The following RPS3A variants were observed in gnomAD, a reference collection of about 807,000 sequenced individuals.
RPS3A encodes the protein ribosomal protein S3A.
A neutral mutation model predicts 26.4 loss-of-function variants in RPS3A; 1 was observed. That is an observed-to-expected ratio of 0.04 (90% CI 0.01 to 0.18). The LOEUF (loss-of-function observed/expected upper bound fraction) is 0.18. Among genes scored for constraint, RPS3A ranks in the 10% least tolerant of loss-of-function variants. RPS3A has a pLI of 1.00. For missense variants in RPS3A, 139 were observed against 326.8 expected (o/e 0.43, Z 4.43); for synonymous variants, 97 against 106.1 (o/e 0.91, Z 0.53).
chr4:151,100,733 ATTTTT>A (rs1747082077), intron 2 of RPS3A, 145 bp downstream of exon 2: 5 of 647,476 alleles, frequency 7.7e-6, no homozygotes, highest in Non-Finnish European at 1.4e-5. Flanking sequence ...TGTGGTGATC[ATTTTT>A]AGTACAGCAC....
At chr4:151,103,878 A>G (rs1385054536) in intron 4 of RPS3A, 1 of 1,434,236 alleles carries the variant, frequency 7.0e-7, no homozygotes, top group Admixed American at 1.8e-5. Flanking sequence ...TGATAACAAC[A>G]TTTTTCTGAT....
chr4:151,101,181 T>C lies in RPS3A; in HGVS notation c.354+19T>C, dbSNP rs758607558. The C allele has an allele frequency of 6.4e-7, 1 of 1,568,712 alleles. No individual in the cohort carries two copies. The highest frequency in any genetic ancestry group is 8.7e-7 in the Non-Finnish European group (1 of 1,144,018). ...ATGGCAGGTGAGACCCAAAGTTCCT[T>C]AGAGTGGTTGTGCTATGGGTGTTTG... On this transcript the variant is annotated intron_variant, in intron 3 of 5. Coordinates refer to ENST00000274065, the MANE Select transcript of RPS3A (RefSeq NM_001006.5).
intron 4 of RPS3A, chr4:151,103,737 A>G: frequency 8.7e-7 from 1 of 1,149,992 alleles, no homozygotes; most frequent in South Asian, 1.6e-5. Context: ...CCCTGTCCCA[A>G]AAAATAAAAA....
Position 151,104,157 on chromosome 4 carries a change from T to G in RPS3A, c.564-20T>G, listed in dbSNP as rs1323827738. On this transcript the variant is annotated intron_variant, in intron 4 of 5. Coordinates refer to ENST00000274065, the MANE Select transcript of RPS3A (RefSeq NM_001006.5). ...AGAACTAGGACTTTTAGAAAAAAAT[T>G]TACTGTTACTGGTTTGCAGGATTCC... The G allele has an allele frequency of 2.5e-6, 4 of 1,588,506 alleles. No individual in the cohort carries two copies. In the Admixed American group the frequency reaches 5.8e-5, roughly 23 times the overall value.
At chr4:151,104,439 G>GTTTTTTTTGT (rs1747274715) in intron 5 of RPS3A, 33 bp from the exon 6 acceptor site, 3 of 711,712 alleles carry the variant, frequency 4.2e-6, no homozygotes, top group African/African-American at 2.9e-5. Flanking sequence ...CAGTTTTTTG[G>GTTTTTTTTGT]TTTTTTTTTT....
intron 4 of RPS3A, chr4:151,103,526 T>A: frequency 9.7e-7 from 1 of 1,030,810 alleles, no homozygotes; most frequent in Non-Finnish European, 1.2e-6. Flanking sequence ...TAACAGTTTT[T>A]TCGTGTTTAT....
chr4:151,101,179 C>G lies in RPS3A; in HGVS notation c.354+17C>G. ...AAATGGCAGGTGAGACCCAAAGTTC[C>G]TTAGAGTGGTTGTGCTATGGGTGTT... On this transcript the variant is annotated intron_variant, in intron 3 of 5. Transcript: ENST00000274065. 1.3e-6 allele frequency: 2 copies of G among 1,573,316 alleles called. No individual in the cohort carries two copies. Among genetic ancestry groups the G allele is most frequent in the Non-Finnish European group, 1.7e-6 (2 of 1,147,948 alleles).
chr4:151,104,452 T>TTTA lies in RPS3A; in HGVS notation c.674-18_674-17insATT, dbSNP rs1554025688. The TTTA allele has an allele frequency of 7.1e-7, 1 of 1,405,298 alleles. No individual in the cohort carries two copies. Among genetic ancestry groups the TTTA allele is most frequent in the Non-Finnish European group, 9.2e-7 (1 of 1,083,896 alleles). 87.1% of individuals were successfully genotyped at this position (1,405,298 alleles called of 1,614,324 possible). ...AACAGTTTTTTGGTTTTTTTTTTTT[T>TTTA]TTTTTTTTTTGCCTTTTAGTGGGAA... is the stretch of plus-strand genomic sequence containing the variant. On this transcript the variant is annotated intron_variant, in intron 5 of 5. Transcript: ENST00000274065.
chr4:151,102,127 T>G (rs1330843771), intron 3 of RPS3A: 2 of 515,612 alleles, frequency 3.9e-6, no homozygotes, highest in South Asian at 1.4e-5. Flanking sequence ...TATCCTGACA[T>G]TCCTCTAAGG....
intron 3 of RPS3A, 59 bp from the exon 4 acceptor site, chr4:151,102,812 T>C (rs1293037589): frequency 2.0e-6 from 3 of 1,530,828 alleles, no homozygotes; most frequent in Non-Finnish European, 2.6e-6. Context: ...AAATTAGAAC[T>C]TGAGGGATAA....
intron 4 of RPS3A, chr4:151,103,304 C>T: frequency 1.1e-6 from 1 of 870,890 alleles, no homozygotes; most frequent in Non-Finnish European, 1.6e-6. Flanking sequence ...GGCTCGAGTG[C>T]AGTATTGTGA....
At chr4:151,103,661 G>A (rs1419035757) in intron 4 of RPS3A, 1 of 1,075,732 alleles carries the variant, frequency 9.3e-7, no homozygotes, top group Admixed American at 4.2e-5. Context: ...CAGCTACTCA[G>A]GAGGCTGAGG....
chr4:151,100,658 CTGT>C (rs948371726), intron 2 of RPS3A, 70 bp downstream of exon 2: 4 of 933,964 alleles, frequency 4.3e-6, no homozygotes, highest in African/African-American at 3.3e-5. Context: ...GCATCTTGGT[CTGT>C]TGTTGGTCCT....
chr4:151,102,751 T>C (rs1747185630), intron 3 of RPS3A, 120 bp from the exon 4 acceptor site: 8 of 1,139,344 alleles, frequency 7.0e-6, no homozygotes, highest in South Asian at 1.7e-5. Context: ...ATGTTACTTA[T>C]GTTAGGATAC....
intron 1 of RPS3A, 173 bp from the exon 2 acceptor site, chr4:151,100,312 G>A (rs1235294159): frequency 1.4e-5 from 8 of 578,658 alleles, no homozygotes; most frequent in Admixed American, 3.0e-5. Context: ...GCAGTGAAAC[G>A]TACAGTGGGA....
At chr4:151,102,848 C>T (rs770292175) in intron 3 of RPS3A, 23 bp from the exon 4 acceptor site, 71 of 1,603,238 alleles carry the variant, frequency 4.4e-5, no homozygotes, top group Non-Finnish European at 6.0e-5. Context: ...CCTGTTAAAT[C>T]TGACGGTATC....
At chr4:151,102,078 T>A (rs751343636) in intron 3 of RPS3A, 1 of 518,472 alleles carries the variant, frequency 1.9e-6, no homozygotes, top group Non-Finnish European at 3.8e-6. Context: ...ACAAAATGTT[T>A]CAGTCCCAAA....
At chr4:151,101,976 G>T in intron 3 of RPS3A, 1 of 475,256 alleles carries the variant, frequency 2.1e-6, no homozygotes. Context: ...CAAGTGATCT[G>T]CCCGCCTCAG....
At chr4:151,102,151 A>G (rs757919897) in intron 3 of RPS3A, 1 of 480,468 alleles carries the variant, frequency 2.1e-6, no homozygotes, top group Non-Finnish European at 4.2e-6. Flanking sequence ...TATGGTTTAC[A>G]TTTCTAGAAA....
Sources: gnomAD v4.1 joint callset for allele counts on GRCh38, gnomAD v4.1.1 for gene constraint, MANE v1.5 for transcripts, NCBI Gene and HGNC (gene_info 2026-07-23, HGNC 2026-07-21) for gene names.